Variants in LRRFIP1 observed in about 807,000 individuals in gnomAD.
LRRFIP1 encodes the protein leucine-rich repeat flightless-interacting protein 1.
In LRRFIP1, 62 loss-of-function variants were observed where a neutral mutation model predicts 104.4. The observed-to-expected ratio is 0.59, with a 90% confidence interval of 0.48 to 0.73. The LOEUF is 0.73. Ranked by LOEUF, LRRFIP1 falls within the 30% of genes least tolerant of loss-of-function variation. LRRFIP1 has a pLI of 0.00. For synonymous variants in LRRFIP1, 300 were observed against 299.0 expected, an observed-to-expected ratio of 1.00 and a Z score of -0.03; for missense variants, 796 against 824.5, an observed-to-expected ratio of 0.97 and a Z score of 0.42.
At chr2:237,771,333 G>A (rs956573839) in intron 20 of LRRFIP1, among the ~76,000 whole-genome samples, 39 of 146,560 alleles carry the variant, frequency 2.7e-4, no homozygotes, top group African/African-American at 9.3e-4. Context: ...CATAAATTCC[G>A]CAAAGTTCCA....
intron 1 of LRRFIP1, among the ~76,000 whole-genome samples, chr2:237,695,152 A>G (rs946349033): frequency 2.0e-5 from 3 of 152,202 alleles, no homozygotes; most frequent in Non-Finnish European, 2.9e-5. Context: ...TAAGACATAA[A>G]TATAGTAAGG....
intron 1 of LRRFIP1, among the ~76,000 whole-genome samples, chr2:237,667,663 A>C (rs2089647976): frequency 6.6e-6 from 1 of 151,824 alleles, no homozygotes. Flanking sequence ...ACTAATTTAC[A>C]CTCCCACCAA....
At chr2:237,680,995 C>A in intron 1 of LRRFIP1, among the ~76,000 whole-genome samples, 1 of 152,050 alleles carries the variant, frequency 6.6e-6, no homozygotes, top group Middle Eastern at 3.4e-3. Context: ...ACAACAACAA[C>A]AATGACAAAA....
chr2:237,700,528 C>T (rs3769104), intron 1 of LRRFIP1, among the ~76,000 whole-genome samples: 27,108 of 152,140 alleles, frequency 0.18, 2,902 homozygotes, highest in East Asian at 0.31. Flanking sequence ...GACGCTAAAA[C>T]CTGGAGGCGA....
chr2:237,655,749 C>G (rs987434455), intron 1 of LRRFIP1, among the ~76,000 whole-genome samples: 2 of 152,202 alleles, frequency 1.3e-5, no homozygotes, highest in African/African-American at 4.8e-5. Context: ...GAAAACAACA[C>G]GACAGGCCAG....
In LRRFIP1 at chr2:237,753,417, A is replaced by T; in HGVS notation, c.976A>T (p.Met326Leu). The T allele has an allele frequency of 6.2e-7, 1 of 1,604,252 alleles. No individual in the cohort carries two copies. Among genetic ancestry groups the T allele is most frequent in the Non-Finnish European group, 8.5e-7 (1 of 1,177,894 alleles). ...FMYQVDTLKD[M>L]LLELEEQLAE... ...GTACCAGGTTGATACCCTAAAAGAT[A>T]TGTTGCTGGAGCTTGAAGAACAGCT... Residue 326 changes from methionine to leucine, a missense_variant, in exon 15 of 24, where the codon ATG becomes TTG. By Grantham distance (15) the Met-to-Leu change is conservative. Coordinates refer to ENST00000308482, the MANE Select transcript of LRRFIP1 (RefSeq NM_001137550.2).
At position 237,760,212 on chromosome 2, in the gene LRRFIP1, A is replaced by G; in HGVS notation, c.1459+7A>G. 1 of 1,613,818 alleles carries G rather than the reference A, an allele frequency of 6.2e-7. No individual in the cohort carries two copies. The highest frequency in any genetic ancestry group is 2.2e-5 in the East Asian group (1 of 44,876). ...ACAGGGGATGGGACCCTAGGTAAGT[A>G]TTTGCTTTCCTTCGGCTCCTCACAC... On this transcript the variant is annotated splice_region_variant and intron_variant, in intron 19 of 23. Coordinates refer to ENST00000308482, the MANE Select transcript of LRRFIP1 (RefSeq NM_001137550.2).
In LRRFIP1 at chr2:237,757,811, C is replaced by G. The variant is rs10169085; in HGVS notation, c.1224+263C>G. On this transcript the variant is annotated intron_variant, in intron 17 of 23. Coordinates refer to ENST00000308482, the MANE Select transcript of LRRFIP1 (RefSeq NM_001137550.2). ...GCTGTGCGCTCTGCCTGCCCCGTGG[C>G]TGGGCCGGGCCGGTGGTTGTTGAAA... is the stretch of plus-strand genomic sequence containing the variant. Among the ~76,000 whole-genome samples the G allele has an allele frequency of 0.094, 14,350 of 151,938 alleles. 1,175 individuals carry two copies. The highest frequency in any genetic ancestry group is 0.22 in the African/African-American group (9,267 of 41,374).
chr2:237,631,542 G>A (rs952088297), intron 1 of LRRFIP1, among the ~76,000 whole-genome samples: 1 of 152,216 alleles, frequency 6.6e-6, no homozygotes, highest in African/African-American at 2.4e-5. Flanking sequence ...CAGGAGAAAG[G>A]TTTAGTACGC....
chr2:237,642,102 G>A (rs1020306761), intron 1 of LRRFIP1, among the ~76,000 whole-genome samples: 9 of 152,204 alleles, frequency 5.9e-5, no homozygotes, highest in Admixed American at 5.9e-4. Context: ...AAGCATCTCT[G>A]AGTCTCAGTG....
intron 4 of LRRFIP1, among the ~76,000 whole-genome samples, chr2:237,718,449 G>C (rs967604767): frequency 1.3e-5 from 2 of 152,190 alleles, no homozygotes; most frequent in Admixed American, 6.5e-5. Context: ...GCCTGCCCCT[G>C]ATGATACTCC....
Position 237,736,707 on chromosome 2 carries a change from TAG to T in LRRFIP1, c.555+1379_555+1380del, listed in dbSNP as rs1436099200. ...AAGAATTGCCTGGGAGTGATGGCCTTAGAGAGTTAAGAAAACAGGAGGTCATC... is the reference window on the plus strand; with the variant it reads ...AAGAATTGCCTGGGAGTGATGGCCTTAGAGTTAAGAAAACAGGAGGTCATC... On this transcript the variant is annotated intron_variant, in intron 10 of 23. Transcript: ENST00000308482. 2.0e-5 allele frequency among the ~76,000 whole-genome samples: 3 copies of T among 152,268 alleles called. No individual in the cohort carries two copies. In the East Asian group the frequency reaches 5.8e-4, roughly 29 times the overall value.
At chr2:237,658,321 G>A (rs2087198250) in intron 1 of LRRFIP1, among the ~76,000 whole-genome samples, 1 of 152,110 alleles carries the variant, frequency 6.6e-6, no homozygotes, top group Non-Finnish European at 1.5e-5. Context: ...CCATGTTCTT[G>A]GATAAGATGA....
chr2:237,723,517 T>G (rs773614309), intron 6 of LRRFIP1, 31 bp from the exon 7 acceptor site: 18 of 1,545,298 alleles, frequency 1.2e-5, no homozygotes, highest in East Asian at 2.3e-5. Flanking sequence ...TTTGCTGTTG[T>G]TTTTTTTTTC....
chr2:237,742,307 G>C (rs534406902), intron 11 of LRRFIP1, among the ~76,000 whole-genome samples: 1 of 152,298 alleles, frequency 6.6e-6, no homozygotes, highest in East Asian at 1.9e-4. Flanking sequence ...TTGATTGCGG[G>C]CTGGTTGGCA....
chr2:237,731,866 G>C (rs535642146), intron 8 of LRRFIP1, among the ~76,000 whole-genome samples: 162 of 152,226 alleles, frequency 1.1e-3, no homozygotes, highest in African/African-American at 3.5e-3. Flanking sequence ...AGCCCTGTGT[G>C]CCCGTGATTT....
intron 1 of LRRFIP1, among the ~76,000 whole-genome samples, chr2:237,688,443 T>C (rs1490426037): frequency 2.4e-4 from 6 of 25,402 alleles, no homozygotes; most frequent in Middle Eastern, 0.031. Flanking sequence ...TGGACCCCCT[T>C]TTTTTTTTTT....
At position 237,720,789 on chromosome 2, in the gene LRRFIP1, G is replaced by T. The variant is rs1290801411; in HGVS notation, c.312G>T (p.Glu104Asp). The T allele has an allele frequency of 6.2e-7, 1 of 1,614,106 alleles. No homozygotes were observed. Among genetic ancestry groups the T allele is most frequent in the South Asian group, 1.1e-5 (1 of 91,082 alleles). Residue 104 changes from glutamate (E) to aspartate (D), a missense_variant, in exon 6 of 24, where the codon GAG (glutamate) becomes GAT (aspartate). Glu to Asp is a conservative substitution (Grantham distance 45). Coordinates refer to ENST00000308482, the MANE Select transcript of LRRFIP1 (RefSeq NM_001137550.2). Reference protein sequence around the residue: ...RRNTSASDEDERMSVGSRGSL... With the variant: ...RRNTSASDEDDRMSVGSRGSL... Reference sequence around the variant, plus strand: ...TTTAATAGGCTTCTGATGAAGACGAGCGCATGTCAGTGGGTAGTCGTGGAA... The same window carrying T: ...TTTAATAGGCTTCTGATGAAGACGATCGCATGTCAGTGGGTAGTCGTGGAA...
At chr2:237,772,319 G>C in intron 21 of LRRFIP1, 121 bp downstream of exon 21, 1 of 708,608 alleles carries the variant, frequency 1.4e-6, no homozygotes, top group Non-Finnish European at 2.4e-6. Context: ...CCCCACAAAA[G>C]CCCTTAAAAA....
Sources: allele counts gnomAD v4.1 joint callset (sites outside exome capture counted in the v4.1 genomes callset), GRCh38; gene constraint gnomAD v4.1.1; transcripts MANE v1.5; gene names NCBI Gene and HGNC (gene_info 2026-07-23, HGNC 2026-07-21).